Variants in PRIM2 observed in about 807,000 individuals in gnomAD.
The protein encoded by PRIM2 is DNA primase large subunit.
A neutral mutation model predicts 67.3 loss-of-function variants in PRIM2; 39 were observed. That is an observed-to-expected ratio of 0.58 (90% CI 0.45 to 0.76). PRIM2 has a LOEUF of 0.76. Among genes scored for constraint, PRIM2 ranks in the 30% least tolerant of loss-of-function variants. The probability of loss-of-function intolerance (pLI) is 0.00; values close to 1 mark genes in which losing one functional copy is unlikely to be tolerated. For synonymous variants in PRIM2, 143 were observed against 198.7 expected (o/e 0.72, Z 2.36); for missense variants, 398 against 598.7 (o/e 0.66, Z 3.50).
the PRIM2 span, among the ~76,000 whole-genome samples, chr6:57,306,823 A>AT: frequency 5.3e-5 from 8 of 152,338 alleles, no homozygotes; most frequent in South Asian, 2.1e-4. Flanking sequence ...TCCAGTATGT[A>AT]TTATTCCACT....
At chr6:57,369,686 A>T (rs920598164) in intron 5 of PRIM2, among the ~76,000 whole-genome samples, 1 of 152,170 alleles carries the variant, frequency 6.6e-6, no homozygotes, top group Non-Finnish European at 1.5e-5. Context: ...TCTTTTTAGG[A>T]GGATGTTTAC....
chr6:57,265,241 G>T, the PRIM2 span, among the ~76,000 whole-genome samples: 6 of 152,148 alleles, frequency 3.9e-5, no homozygotes, highest in African/African-American at 1.4e-4. Context: ...AAATGATCAG[G>T]CCATTATGCA....
chr6:57,258,202 A>G, the PRIM2 span, among the ~76,000 whole-genome samples: 1 of 152,232 alleles, frequency 6.6e-6, no homozygotes, highest in East Asian at 1.9e-4. Flanking sequence ...GTGGCGTGCT[A>G]CCGTTAAGAT....
At chr6:57,280,353 C>T in the PRIM2 span, among the ~76,000 whole-genome samples, 648 of 151,668 alleles carry the variant, frequency 4.3e-3, 24 homozygotes, top group East Asian at 0.093. Context: ...TTTTCATTAA[C>T]GTTCTTTCCT....
Position 57,503,136 on chromosome 6 carries a change from A to G in PRIM2, c.694-4251A>G, listed in dbSNP as rs1328674390. Among the ~76,000 whole-genome samples, 662 of 152,252 alleles carry G rather than the reference A, an allele frequency of 4.3e-3. 5 individuals are homozygous for G. The highest frequency in any genetic ancestry group is 0.015 in the African/African-American group (637 of 41,538). On this transcript the variant is annotated intron_variant, in intron 7 of 13. Coordinates refer to ENST00000615550, the MANE Select transcript of PRIM2 (RefSeq NM_000947.5). ...GTGAGTACATATTGCATGCCATACC[A>G]TGTGCTGTTCTAAGCAGTCGGGGGA...
At chr6:57,492,087 C>T (rs1554346009) in intron 7 of PRIM2, among the ~76,000 whole-genome samples, 6 of 152,128 alleles carry the variant, frequency 3.9e-5, no homozygotes, top group Non-Finnish European at 7.4e-5. Context: ...ACTTGTGGGG[C>T]GTGTCAGAGG....
rs1775275028 is a variant in PRIM2 at position 57,545,666 on chromosome 6, T to G, written c.1020+8041T>G. 9.2e-5 allele frequency among the ~76,000 whole-genome samples: 14 copies of G among 152,216 alleles called. 1 individual carries two copies. The South Asian group carries it at 2.9e-3, about 32-fold the overall frequency. On this transcript the variant is annotated intron_variant, in intron 10 of 13. Transcript: ENST00000615550. ...TCAGGCTGGTCTCGAACTCCCGACC[T>G]CAGGTGATCTACCCACCTCGGCCTC...
At chr6:57,338,861 T>C (rs944955817) in intron 5 of PRIM2, among the ~76,000 whole-genome samples, 25 of 149,652 alleles carry the variant, frequency 1.7e-4, no homozygotes, top group African/African-American at 2.0e-4. Flanking sequence ...CCAGGGCAAT[T>C]AGGCAGGAGA....
chr6:57,268,803 T>G, the PRIM2 span, among the ~76,000 whole-genome samples: 2 of 108,448 alleles, frequency 1.8e-5, no homozygotes, highest in Non-Finnish European at 1.7e-5. Flanking sequence ...CCCACAACAG[T>G]CCCCAGAGTG....
At chr6:57,512,014 C>G (rs1451349516) in intron 8 of PRIM2, among the ~76,000 whole-genome samples, 4 of 152,146 alleles carry the variant, frequency 2.6e-5, no homozygotes, top group Non-Finnish European at 5.9e-5. Flanking sequence ...GGTACTGAAT[C>G]GAACCCACAG....
intron 7 of PRIM2, among the ~76,000 whole-genome samples, chr6:57,464,566 C>T (rs1257700144): frequency 2.6e-5 from 4 of 152,170 alleles, no homozygotes; most frequent in Non-Finnish European, 4.4e-5. Flanking sequence ...TGAGCCACCA[C>T]GCCCGGCCTC....
chr6:57,222,972 G>A, the PRIM2 span, among the ~76,000 whole-genome samples: 7 of 152,132 alleles, frequency 4.6e-5, no homozygotes, highest in Admixed American at 3.9e-4. Flanking sequence ...CGAATACTTA[G>A]GGTGCACGGA....
upstream of PRIM2, among the ~76,000 whole-genome samples, chr6:57,313,595 T>C (rs2127263556): frequency 6.6e-6 from 1 of 152,282 alleles, no homozygotes; most frequent in South Asian, 2.1e-4. Flanking sequence ...TGAAGTGCTT[T>C]CTTTAGGTTG....
intron 10 of PRIM2, among the ~76,000 whole-genome samples, chr6:57,561,172 T>C (rs1169747159): frequency 8.5e-5 from 13 of 152,308 alleles, no homozygotes; most frequent in African/African-American, 3.1e-4. Context: ...TACTTTTATA[T>C]CATGGAGATA....
intron 7 of PRIM2, among the ~76,000 whole-genome samples, chr6:57,392,563 A>C (rs990487285): frequency 2.6e-4 from 39 of 152,186 alleles, no homozygotes; most frequent in Non-Finnish European, 4.6e-4. Flanking sequence ...GGAACATAGA[A>C]CTGATAAAGA....
Position 57,477,383 on chromosome 6 carries a change from G to A in PRIM2, c.694-30004G>A, listed in dbSNP as rs1384779626. Among the ~76,000 whole-genome samples the A allele has an allele frequency of 6.8e-4, 103 of 152,244 alleles. No individual in the cohort carries two copies. In the East Asian group the frequency reaches 0.018, roughly 27 times the overall value. On this transcript the variant is annotated intron_variant, in intron 7 of 13. Transcript: ENST00000615550. ...CTACTTAATAGTTACAGTTTGGGGC[G>A]TATGTATTCATTTAAAAGTAGTATA...
chr6:57,428,314 A>G (rs1259263194), intron 7 of PRIM2, among the ~76,000 whole-genome samples: 4 of 152,228 alleles, frequency 2.6e-5, no homozygotes, highest in Admixed American at 6.5e-5. Flanking sequence ...TCCCCTGACC[A>G]TCTTACTTCC....
At chr6:57,363,200 A>G (rs1271525265) in intron 5 of PRIM2, among the ~76,000 whole-genome samples, 1 of 152,186 alleles carries the variant, frequency 6.6e-6, no homozygotes, top group African/African-American at 2.4e-5. Context: ...CAAACTGGGC[A>G]AAGTATGGGT....
At chr6:57,306,711 G>T in the PRIM2 span, among the ~76,000 whole-genome samples, 4 of 152,176 alleles carry the variant, frequency 2.6e-5, no homozygotes, top group African/African-American at 7.2e-5. Flanking sequence ...CTAATAGGGA[G>T]AGAAAAGAGA....
Sources: allele counts gnomAD v4.1 joint callset (sites outside exome capture counted in the v4.1 genomes callset), GRCh38; gene constraint gnomAD v4.1.1; transcripts MANE v1.5; gene names NCBI Gene and HGNC (gene_info 2026-07-23, HGNC 2026-07-21).